The following SORCS3 variants were observed in gnomAD, a reference collection of about 807,000 sequenced individuals.
SORCS3 encodes VPS10 domain-containing receptor SorCS3.
Under a neutral mutation model 146.3 loss-of-function variants are expected in SORCS3, and 57 were observed. The observed-to-expected ratio is 0.39, with a 90% confidence interval of 0.31 to 0.49. SORCS3 has a LOEUF of 0.49. Ranked by LOEUF, SORCS3 falls within the 20% of genes least tolerant of loss-of-function variation. The pLI, the probability that SORCS3 is intolerant of heterozygous loss-of-function variation, is 0.92. For missense variants in SORCS3, 1,341 were observed against 1,575.5 expected (o/e 0.85, Z 2.52); for synonymous variants, 653 against 618.5 (o/e 1.06, Z -0.83).
intron 14 of SORCS3, among the ~76,000 whole-genome samples, chr10:105,196,241 T>G (rs542004948): frequency 6.6e-6 from 1 of 152,312 alleles, no homozygotes; most frequent in East Asian, 1.9e-4. Context: ...AAGCCTGAGC[T>G]TGAATTTCTA....
chr10:105,054,196 T>G (rs912923214), intron 5 of SORCS3, among the ~76,000 whole-genome samples: 1 of 152,082 alleles, frequency 6.6e-6, no homozygotes, highest in Non-Finnish European at 1.5e-5. Context: ...TGTTTCAATA[T>G]TATAACGTTT....
At chr10:104,861,271 C>T (rs1471847766) in intron 2 of SORCS3, among the ~76,000 whole-genome samples, 2 of 152,188 alleles carry the variant, frequency 1.3e-5, no homozygotes, top group East Asian at 3.9e-4. Flanking sequence ...AAAGCATGCT[C>T]TCTGGCCCAT....
intron 8 of SORCS3, among the ~76,000 whole-genome samples, chr10:105,139,825 A>G (rs1392817261): frequency 6.6e-6 from 1 of 152,182 alleles, no homozygotes; most frequent in Non-Finnish European, 1.5e-5. Flanking sequence ...ACCAAATAGA[A>G]GGCCAAACTC....
chr10:105,132,226 C>G (rs1016976548), intron 7 of SORCS3, among the ~76,000 whole-genome samples: 4 of 152,066 alleles, frequency 2.6e-5, no homozygotes, highest in Admixed American at 1.3e-4. Context: ...AACGTGTACA[C>G]AGGAATGGTT....
chr10:104,959,219 AT>A (rs200671569), intron 3 of SORCS3, among the ~76,000 whole-genome samples: 3,018 of 152,186 alleles, frequency 0.02, 54 homozygotes, highest in Middle Eastern at 0.068. Flanking sequence ...AATAGAGGGG[AT>A]ACTATGGAAC....
chr10:104,822,075 C>T (rs911301492), intron 1 of SORCS3: 3 of 517,922 alleles, frequency 5.8e-6, no homozygotes, highest in African/African-American at 5.8e-5. Context: ...TATTCCTTCT[C>T]TTAGTCCTGG....
intron 20 of SORCS3, among the ~76,000 whole-genome samples, chr10:105,229,098 C>A (rs530384965): frequency 1.3e-5 from 2 of 151,856 alleles, no homozygotes; most frequent in Non-Finnish European, 2.9e-5. Context: ...AACCTGTTTT[C>A]GGGATCTGAG....
intron 2 of SORCS3, among the ~76,000 whole-genome samples, chr10:104,864,888 C>G (rs988650210): frequency 2.0e-5 from 3 of 152,112 alleles, no homozygotes; most frequent in African/African-American, 7.2e-5. Flanking sequence ...CCTACCTTCC[C>G]CTGGTGCCCC....
rs1366580746 is a variant in SORCS3 at position 105,214,446 on chromosome 10, C to T, written c.2380C>T (p.Arg794Trp). The change falls in exon 18 of 27, where the codon CGG (arginine) becomes TGG (tryptophan). Residue 794 changes from arginine to tryptophan, a missense_variant. Arg to Trp is a moderately radical substitution (Grantham distance 101). Coordinates refer to ENST00000369701, the MANE Select transcript of SORCS3 (RefSeq NM_014978.3). ...TCAATTGTCAATTCTACTTAGGTAT[C>T]GGCGGATTGTGTCCAACAACTGCAC... ...GQSYLNSTGYRRIVSNNCTDG... is the reference protein window; with the variant it reads ...GQSYLNSTGYWRIVSNNCTDG... The T allele has an allele frequency of 1.9e-6, 3 of 1,614,070 alleles. No individual in the cohort carries two copies. Among genetic ancestry groups the T allele is most frequent in the Non-Finnish European group, 1.7e-6 (2 of 1,180,002 alleles).
intron 2 of SORCS3, among the ~76,000 whole-genome samples, chr10:104,911,917 C>A (rs2133597331): frequency 6.6e-6 from 1 of 152,322 alleles, no homozygotes. Context: ...TATCTGATCA[C>A]CCTGGCCTGC....
intron 2 of SORCS3, among the ~76,000 whole-genome samples, chr10:104,873,826 C>T (rs1017254853): frequency 5.9e-5 from 9 of 152,140 alleles, no homozygotes; most frequent in East Asian, 1.9e-4. Flanking sequence ...TCAACCAGTT[C>T]GGCTAATAGC....
intron 1 of SORCS3, among the ~76,000 whole-genome samples, chr10:104,646,121 T>C (rs540812428): frequency 4.3e-4 from 66 of 152,332 alleles, no homozygotes; most frequent in African/African-American, 1.5e-3. Flanking sequence ...CTGGTCATTG[T>C]TGGTCTGAGG....
chr10:105,140,332 C>T lies in SORCS3; in HGVS notation c.1302+846C>T, dbSNP rs189745305. On this transcript the variant is annotated intron_variant, in intron 8 of 26. Transcript: ENST00000369701. ...TTATTCATTCATTAATTTATGCATGCGTGTATTCATTCACTCTTTTATGCA... is the reference window on the plus strand; with the variant it reads ...TTATTCATTCATTAATTTATGCATGTGTGTATTCATTCACTCTTTTATGCA... Among the ~76,000 whole-genome samples the T allele has an allele frequency of 2.6e-4, 38 of 148,656 alleles. 1 individual carries two copies. Among genetic ancestry groups the T allele is most frequent in the Admixed American group, 1.4e-3 (21 of 14,508 alleles).
At chr10:104,861,857 A>C (rs2018407354) in intron 2 of SORCS3, among the ~76,000 whole-genome samples, 1 of 152,086 alleles carries the variant, frequency 6.6e-6, no homozygotes, top group African/African-American at 2.4e-5. Flanking sequence ...GTTCCCTCTG[A>C]GCATGCATCT....
chr10:104,776,413 G>A (rs1021262675), intron 1 of SORCS3, among the ~76,000 whole-genome samples: 5 of 152,072 alleles, frequency 3.3e-5, no homozygotes, highest in African/African-American at 7.3e-5. Flanking sequence ...CGGGGCTGGC[G>A]GGAAGCCCTC....
intron 2 of SORCS3, among the ~76,000 whole-genome samples, chr10:104,909,481 T>C (rs906756687): frequency 6.6e-6 from 1 of 152,150 alleles, no homozygotes; most frequent in African/African-American, 2.4e-5. Context: ...GGCAGGCCAC[T>C]GAGGAGATGA....
At chr10:104,704,070 G>C (rs1301264957) in intron 1 of SORCS3, among the ~76,000 whole-genome samples, 1 of 152,138 alleles carries the variant, frequency 6.6e-6, no homozygotes, top group African/African-American at 2.4e-5. Context: ...CTGAACAGGA[G>C]GGAGAATAAC....
At chr10:104,707,865 G>A (rs114134323) in intron 1 of SORCS3, among the ~76,000 whole-genome samples, 2,161 of 152,262 alleles carry the variant, frequency 0.014, 45 homozygotes, top group African/African-American at 0.045. Context: ...GGAAGGATTT[G>A]CCCATGACAG....
intron 1 of SORCS3, among the ~76,000 whole-genome samples, chr10:104,682,423 A>G (rs1186158791): frequency 6.6e-6 from 1 of 152,240 alleles, no homozygotes; most frequent in Non-Finnish European, 1.5e-5. Flanking sequence ...AAAGGGGTTA[A>G]TGATGTAACT....
Sources: gnomAD v4.1 joint callset for allele counts (sites outside exome capture counted in the v4.1 genomes callset) on GRCh38, gnomAD v4.1.1 for gene constraint, MANE v1.5 for transcripts, NCBI Gene and HGNC (gene_info 2026-07-23, HGNC 2026-07-21) for gene names.